Variants in HYDIN observed in about 807,000 individuals in gnomAD.
HYDIN encodes the protein axonemal central pair apparatus protein HYDIN.
HYDIN carries 132 observed loss-of-function variants against 403.9 expected under a neutral mutation model. The ratio of observed to expected loss-of-function variants is 0.33; its 90% CI spans 0.28 to 0.38. The LOEUF (loss-of-function observed/expected upper bound fraction) is 0.38, where lower values mean the gene tolerates loss of function less well. Ranked by LOEUF, HYDIN falls within the 10% of genes least tolerant of loss-of-function variation. The pLI is 1.00. For missense variants in HYDIN, 2,827 were observed against 5,009.5 expected (o/e 0.56, Z 13.15); for synonymous variants, 1,202 against 1,891.7 (o/e 0.64, Z 9.46).
rs1178608133 is a variant in HYDIN, at chr16:71,211,016, T to C, written c.-24+19546A>G. On this transcript the variant is annotated intron_variant, in intron 1 of 85. Coordinates refer to ENST00000393567, the MANE Select transcript of HYDIN (RefSeq NM_001270974.2). ...ATCATATAACATGACATAAGAAATA[T>C]TACACACACACACAGAGAGATAGAA... is the stretch of plus-strand genomic sequence containing the variant. 2.0e-5 allele frequency among the ~76,000 whole-genome samples: 3 copies of C among 151,964 alleles called. No individual in the cohort carries two copies. In the East Asian group the frequency reaches 5.8e-4, roughly 29 times the overall value.
intron 13 of HYDIN, among the ~76,000 whole-genome samples, chr16:71,079,057 G>T (rs896947794): frequency 1.3e-5 from 2 of 151,818 alleles, no homozygotes; most frequent in African/African-American, 2.4e-5. Context: ...AAAGGAAGGG[G>T]TGTACTCTTT....
chr16:70,936,507 T>C (rs904014262), intron 44 of HYDIN, among the ~76,000 whole-genome samples: 5 of 111,816 alleles, frequency 4.5e-5, no homozygotes, highest in African/African-American at 1.3e-4. Flanking sequence ...CCGCCTCCCA[T>C]AGCTGAGCAT....
chr16:71,066,744 A>T (rs928217828), intron 15 of HYDIN: 2 of 378,756 alleles, frequency 5.3e-6, no homozygotes, highest in African/African-American at 4.2e-5. Context: ...GCCTCTCTCA[A>T]AAAGAGAGAG....
At chr16:70,985,380 A>G in intron 27 of HYDIN, 58 bp from the exon 28 acceptor site, 1 of 1,004,832 alleles carries the variant, frequency 1.0e-6, no homozygotes, top group Non-Finnish European at 1.5e-6. Flanking sequence ...GATAGTGACA[A>G]AGGTGCAGAA....
At chr16:70,970,793 T>C in intron 35 of HYDIN, 34 bp from the exon 36 acceptor site, 1 of 1,596,112 alleles carries the variant, frequency 6.3e-7, no homozygotes, top group Non-Finnish European at 8.6e-7. Flanking sequence ...AGCATCTGAG[T>C]TTATTTCCAT....
chr16:71,053,453 G>A (rs1024495), intron 18 of HYDIN, among the ~76,000 whole-genome samples: 175 of 122,384 alleles, frequency 1.4e-3, no homozygotes, highest in South Asian at 3.4e-3. Context: ...AACATAATAA[G>A]TGGTAAATGG....
chr16:70,925,157 C>CA (rs2077109971), intron 45 of HYDIN, among the ~76,000 whole-genome samples: 1 of 151,990 alleles, frequency 6.6e-6, no homozygotes, highest in East Asian at 1.9e-4. Flanking sequence ...TCCAGAGCCT[C>CA]AAAACGTTTT....
At chr16:70,810,148 G>T in intron 84 of HYDIN, 141 bp from the exon 85 acceptor site, 1 of 738,858 alleles carries the variant, frequency 1.4e-6, no homozygotes, top group Non-Finnish European at 2.3e-6. Flanking sequence ...TGGGGAACCT[G>T]TCCAAACCAG....
intron 10 of HYDIN, among the ~76,000 whole-genome samples, chr16:71,107,722 G>A (rs1597794183): frequency 6.6e-6 from 1 of 151,922 alleles, no homozygotes; most frequent in Non-Finnish European, 1.5e-5. Context: ...CACTGTTGGT[G>A]GGAGTGTAAA....
intron 45 of HYDIN, among the ~76,000 whole-genome samples, chr16:70,932,981 T>TATG (rs1269094967): frequency 1.3e-5 from 2 of 151,972 alleles, no homozygotes; most frequent in Non-Finnish European, 2.9e-5. Context: ...GTCTCTCCAC[T>TATG]ATGATTTCCT....
intron 76 of HYDIN, among the ~76,000 whole-genome samples, chr16:70,839,290 T>TAA (rs2037651093): frequency 7.5e-6 from 1 of 134,000 alleles, no homozygotes; most frequent in Admixed American, 7.1e-5. Context: ...TAGAGAGTTT[T>TAA]AAAAATTTGC....
chr16:70,948,738 CA>C (rs1177931568), intron 41 of HYDIN, among the ~76,000 whole-genome samples: 1 of 151,958 alleles, frequency 6.6e-6, no homozygotes. Flanking sequence ...CAGAGGAATG[CA>C]AATCAAAACC....
At chr16:70,947,267 C>T (rs1252981628) in intron 41 of HYDIN, among the ~76,000 whole-genome samples, 1 of 149,362 alleles carries the variant, frequency 6.7e-6, no homozygotes, top group African/African-American at 2.5e-5. Flanking sequence ...TGAATTTTGT[C>T]AAAGGCCTTT....
At chr16:70,840,323 G>A (rs1321307136) in intron 75 of HYDIN, 90 bp from the exon 76 acceptor site, 7 of 1,190,716 alleles carry the variant, frequency 5.9e-6, no homozygotes, top group Non-Finnish European at 8.2e-6. Context: ...AAAGCAGTTG[G>A]TGCTTTAACA....
Position 70,807,787 on chromosome 16 carries a change from G to A in HYDIN, c.15159C>T (p.Ser5053=). ...TGAAGGCTGGGTTATCCACGATGAT[G>A]GAGAAGGTCACCATGTGATAGAAGA... ...KNVFYHMVTF[S]IIVDNPAFTI... is the part of the protein sequence containing the mutation. The change falls in exon 86 of 86, where the codon TCC becomes TCT. Residue 5053 remains serine (S), a synonymous_variant. Coordinates refer to ENST00000393567, the MANE Select transcript of HYDIN (RefSeq NM_001270974.2). The A allele has an allele frequency of 1.2e-6, 2 of 1,614,156 alleles. No individual in the cohort carries two copies. Among genetic ancestry groups the A allele is most frequent in the Non-Finnish European group, 1.7e-6 (2 of 1,180,030 alleles).
intron 7 of HYDIN, among the ~76,000 whole-genome samples, chr16:71,149,530 T>A (rs1051314386): frequency 6.6e-6 from 1 of 152,166 alleles, no homozygotes; most frequent in African/African-American, 2.4e-5. Flanking sequence ...TTTTATTTTT[T>A]ATTTTTTATT....
rs2082108689 is a variant in HYDIN, at chr16:71,062,094, C to T, written c.2376+75G>A. On this transcript the variant is annotated intron_variant, in intron 17 of 85. Coordinates refer to ENST00000393567, the MANE Select transcript of HYDIN (RefSeq NM_001270974.2). ...GGGTGTATGTGAATATGGTGTGGGC[C>T]TCAAATGAGAAAGCTCAAAATGTTT... The T allele has an allele frequency of 1.1e-5, 12 of 1,140,426 alleles. No individual in the cohort carries two copies. The South Asian group carries it at 1.6e-4, about 15-fold the overall frequency. 70.6% of individuals were successfully genotyped at this position (1,140,426 alleles called of 1,614,324 possible).
At position 70,931,551 on chromosome 16, in the gene HYDIN, C is replaced by T. The variant is rs2077333373; in HGVS notation, c.7158+4401G>A. Reference sequence around the variant, plus strand: ...AGTCTCATGCCCCAGCCCAGACCTACGGAATCGGAACCTCTCTGCATATTA... The same window carrying T: ...AGTCTCATGCCCCAGCCCAGACCTATGGAATCGGAACCTCTCTGCATATTA... On this transcript the variant is annotated intron_variant, in intron 45 of 85. Transcript: ENST00000393567. 4.6e-5 allele frequency among the ~76,000 whole-genome samples: 7 copies of T among 151,704 alleles called. No individual in the cohort carries two copies. The East Asian group carries it at 7.8e-4, about 17-fold the overall frequency.
At chr16:71,032,164 C>G (rs899113675) in intron 18 of HYDIN, among the ~76,000 whole-genome samples, 1 of 151,992 alleles carries the variant, frequency 6.6e-6, no homozygotes, top group Non-Finnish European at 1.5e-5. Flanking sequence ...ACATCTCTTT[C>G]GCAAGATAAC....
Sources: gnomAD v4.1 joint callset for allele counts (sites outside exome capture counted in the v4.1 genomes callset) on GRCh38, gnomAD v4.1.1 for gene constraint, MANE v1.5 for transcripts, NCBI Gene and HGNC (gene_info 2026-07-23, HGNC 2026-07-21) for gene names.